USP25: variants seen among roughly 807,000 people sequenced by gnomAD.
USP25 encodes ubiquitin specific peptidase 25, also known as ubiquitin carboxyl-terminal hydrolase 25.
Under a neutral mutation model 158.5 loss-of-function variants are expected in USP25, and 85 were observed. The observed-to-expected ratio is 0.54, with a 90% CI of 0.45 to 0.64. The LOEUF (loss-of-function observed/expected upper bound fraction) is 0.64. Ranked by LOEUF, USP25 falls within the 30% of genes least tolerant of loss-of-function variation. The pLI is 0.00. For missense variants in USP25, 1,242 were observed against 1,327.3 expected, an observed-to-expected ratio of 0.94 and a Z score of 1.00; for synonymous variants, 464 against 460.4, an observed-to-expected ratio of 1.01 and a Z score of -0.10.
At chr21:15,794,260 CA>C (rs1423021866) in intron 5 of USP25, among the ~76,000 whole-genome samples, 1 of 151,082 alleles carries the variant, frequency 6.6e-6, no homozygotes, top group African/African-American at 2.4e-5. Flanking sequence ...ATACTGAGAC[CA>C]ATATTTTGGT....
intron 17 of USP25, among the ~76,000 whole-genome samples, chr21:15,840,294 C>T (rs2038268809): frequency 6.6e-6 from 1 of 152,028 alleles, no homozygotes; most frequent in South Asian, 2.1e-4. Context: ...AAACCTTGTG[C>T]GTAACTTTTA....
intron 4 of USP25, among the ~76,000 whole-genome samples, chr21:15,782,538 C>T (rs2035025546): frequency 1.3e-5 from 2 of 152,186 alleles, no homozygotes; most frequent in South Asian, 4.1e-4. Context: ...TCAGCATGTG[C>T]CTGACCAGCA....
intron 1 of USP25, among the ~76,000 whole-genome samples, chr21:15,748,214 A>G (rs1265658760): frequency 6.6e-6 from 1 of 152,212 alleles, no homozygotes; most frequent in Non-Finnish European, 1.5e-5. Flanking sequence ...AACAGTATGT[A>G]TACTTTTTAA....
intron 1 of USP25, among the ~76,000 whole-genome samples, chr21:15,737,366 T>C (rs1243071068): frequency 6.6e-6 from 1 of 152,174 alleles, no homozygotes; most frequent in Non-Finnish European, 1.5e-5. Context: ...TTTCTCATGA[T>C]CAGCTCTTCC....
At chr21:15,760,192 G>A (rs1246324355) in intron 1 of USP25, among the ~76,000 whole-genome samples, 1 of 152,218 alleles carries the variant, frequency 6.6e-6, no homozygotes. Flanking sequence ...CCATGCAACT[G>A]TGTTGTGCTT....
chr21:15,778,494 T>G (rs1271331489), intron 4 of USP25, among the ~76,000 whole-genome samples: 3 of 152,146 alleles, frequency 2.0e-5, no homozygotes, highest in Non-Finnish European at 4.4e-5. Context: ...TGTATCCTAA[T>G]AAATCTTGAT....
At chr21:15,825,209 A>G (rs1057203799) in intron 12 of USP25, 148 bp downstream of exon 12, 7 of 587,020 alleles carry the variant, frequency 1.2e-5, no homozygotes, top group East Asian at 6.5e-5. Flanking sequence ...GCTTGAAACT[A>G]AAAATCTATA....
intron 4 of USP25, among the ~76,000 whole-genome samples, chr21:15,785,447 C>A (rs527587578): frequency 6.6e-6 from 1 of 152,026 alleles, no homozygotes; most frequent in African/African-American, 2.4e-5. Flanking sequence ...CAGTAAAGAT[C>A]GTATGTTAGA....
chr21:15,854,400 T>A (rs1285508630), intron 20 of USP25, among the ~76,000 whole-genome samples: 1 of 152,074 alleles, frequency 6.6e-6, no homozygotes, highest in Non-Finnish European at 1.5e-5. Context: ...CTCTTCGGCC[T>A]CCCAAAGTGC....
chr21:15,748,497 G>T (rs1456298966), intron 1 of USP25, among the ~76,000 whole-genome samples: 1 of 125,480 alleles, frequency 8.0e-6, no homozygotes, highest in African/African-American at 3.1e-5. Context: ...ATGGGGTCTC[G>T]CTCTGTTTCC....
chr21:15,794,915 AG>A (rs913884632), intron 5 of USP25, among the ~76,000 whole-genome samples: 2 of 151,622 alleles, frequency 1.3e-5, no homozygotes, highest in Admixed American at 6.6e-5. Flanking sequence ...TATCTAAAGT[AG>A]TACGTGAGGA....
intron 1 of USP25, among the ~76,000 whole-genome samples, chr21:15,751,368 T>A (rs892445972): frequency 9.9e-5 from 15 of 152,238 alleles, no homozygotes; most frequent in African/African-American, 3.4e-4. Flanking sequence ...CTGTATTTGC[T>A]TTAAAGAATT....
intron 8 of USP25, 62 bp from the exon 9 acceptor site, chr21:15,811,075 T>C: frequency 2.1e-6 from 3 of 1,396,882 alleles, no homozygotes; most frequent in Non-Finnish European, 3.0e-6. Context: ...AGTTCTTTAA[T>C]ATTTTCTCTA....
chr21:15,752,181 C>T (rs1474523044), intron 1 of USP25, among the ~76,000 whole-genome samples: 2 of 151,674 alleles, frequency 1.3e-5, no homozygotes, highest in African/African-American at 4.8e-5. Flanking sequence ...GATCTGCCTG[C>T]CTCGGCCTCG....
chr21:15,849,800 A>C lies in USP25; in HGVS notation c.2475A>C (p.Gln825His). 6.5e-7 allele frequency: 1 copy of C among 1,541,742 alleles called. No individual in the cohort carries two copies. Among genetic ancestry groups the C allele is most frequent in the Non-Finnish European group, 8.7e-7 (1 of 1,143,234 alleles). ...DDEIMMTPNM[Q>H]GIIMAIGKSR... ...AGATCATGATGACACCGAACATGCA[A>C]GGTATTATCATGGCGATAGGTAAAT... The change falls in exon 20 of 26, where the codon CAA (glutamine) becomes CAC (histidine). Residue 825 changes from glutamine to histidine, a missense_variant. Transcript: ENST00000400183.
intron 20 of USP25, among the ~76,000 whole-genome samples, chr21:15,851,910 T>G (rs2038905846): frequency 6.6e-6 from 1 of 152,142 alleles, no homozygotes. Flanking sequence ...CCTTTGTGTA[T>G]TTTCCATATT....
intron 4 of USP25, among the ~76,000 whole-genome samples, chr21:15,787,065 A>G (rs77765972): frequency 0.076 from 11,545 of 152,168 alleles, 504 homozygotes; most frequent in East Asian, 0.1. Context: ...GAGATAAAAG[A>G]TCTCTACACT....
At chr21:15,819,712 T>A (rs2037133689) in intron 10 of USP25, among the ~76,000 whole-genome samples, 1 of 152,200 alleles carries the variant, frequency 6.6e-6, no homozygotes, top group Admixed American at 6.5e-5. Flanking sequence ...AAATATTAAG[T>A]GATACGATGT....
chr21:15,764,441 A>G (rs1242386020), intron 2 of USP25, among the ~76,000 whole-genome samples: 3 of 151,914 alleles, frequency 2.0e-5, no homozygotes, highest in African/African-American at 7.3e-5. Flanking sequence ...TTCAGTTACC[A>G]GTAGCTAGGG....
Sources: allele counts gnomAD v4.1 joint callset (sites outside exome capture counted in the v4.1 genomes callset), GRCh38; gene constraint gnomAD v4.1.1; transcripts MANE v1.5; gene names NCBI Gene and HGNC (gene_info 2026-07-23, HGNC 2026-07-21).